PCDH9: variants seen among roughly 807,000 people sequenced by gnomAD.
PCDH9 encodes protocadherin-9.
A neutral mutation model predicts 70.6 loss-of-function variants in PCDH9; 24 were observed. The ratio of observed to expected loss-of-function variants is 0.34; its 90% confidence interval spans 0.25 to 0.48. The LOEUF is 0.48. PCDH9 is among the 20% of genes least tolerant of loss of function. The pLI is 0.99. For missense variants in PCDH9, 1,281 were observed against 1,503.6 expected (o/e 0.85, Z 2.45); for synonymous variants, 562 against 558.5 (o/e 1.01, Z -0.09).
chr13:66,870,266 T>A (rs975277375), intron 3 of PCDH9, among the ~76,000 whole-genome samples: 1 of 152,180 alleles, frequency 6.6e-6, no homozygotes, highest in African/African-American at 2.4e-5. Flanking sequence ...GGCTCTGTTC[T>A]GTTCCATTGA....
At chr13:67,206,669 T>C (rs2089356549) in intron 2 of PCDH9, 1 of 152,214 alleles carries the variant, frequency 6.6e-6, no homozygotes, top group South Asian at 2.1e-4. Flanking sequence ...TCCCAGTGCA[T>C]TGCAGATAAG....
At chr13:67,080,326 T>C (rs1566410780) in intron 2 of PCDH9, among the ~76,000 whole-genome samples, 1 of 152,250 alleles carries the variant, frequency 6.6e-6, no homozygotes, top group Admixed American at 6.5e-5. Context: ...TAAAGCTTTA[T>C]TAACAAATTA....
At chr13:66,729,105 G>C (rs2079040184) in intron 3 of PCDH9, among the ~76,000 whole-genome samples, 1 of 151,908 alleles carries the variant, frequency 6.6e-6, no homozygotes, top group Admixed American at 6.6e-5. Context: ...ATATCAACTT[G>C]GAGGTCCCAG....
chr13:66,991,490 C>A (rs1348069374), intron 2 of PCDH9, among the ~76,000 whole-genome samples: 1 of 148,494 alleles, frequency 6.7e-6, no homozygotes, highest in African/African-American at 2.4e-5. Context: ...AAATTACTTT[C>A]TCCAGTTACA....
At chr13:66,423,967 C>A (rs1957619740) in intron 4 of PCDH9, among the ~76,000 whole-genome samples, 1 of 152,146 alleles carries the variant, frequency 6.6e-6, no homozygotes, top group Admixed American at 6.6e-5. Context: ...TGATAAGCAA[C>A]TTCAGCAAAG....
intron 4 of PCDH9, among the ~76,000 whole-genome samples, chr13:66,343,354 C>T (rs542488378): frequency 1.3e-5 from 2 of 152,304 alleles, no homozygotes; most frequent in Admixed American, 6.5e-5. Context: ...GTATTGGCAG[C>T]AGTGCATTCC....
At chr13:66,388,505 G>A (rs1002562814) in intron 4 of PCDH9, among the ~76,000 whole-genome samples, 4 of 152,086 alleles carry the variant, frequency 2.6e-5, no homozygotes, top group South Asian at 2.1e-4. Flanking sequence ...ATGGGTAGAT[G>A]TGGTGGCTTT....
chr13:66,846,138 A>AAT (rs2081205300), intron 3 of PCDH9, among the ~76,000 whole-genome samples: 1 of 61,686 alleles, frequency 1.6e-5, no homozygotes, highest in Non-Finnish European at 5.2e-5. Flanking sequence ...AAAAAGACCA[A>AAT]AAAAAAAAAA....
intron 3 of PCDH9, among the ~76,000 whole-genome samples, chr13:66,815,667 A>C (rs957683825): frequency 6.6e-6 from 1 of 152,192 alleles, no homozygotes; most frequent in African/African-American, 2.4e-5. Context: ...GTTACAGAAA[A>C]CAAAATACCA....
intron 2 of PCDH9, among the ~76,000 whole-genome samples, chr13:67,112,308 G>T (rs1207589654): frequency 6.6e-6 from 1 of 152,136 alleles, no homozygotes; most frequent in Non-Finnish European, 1.5e-5. Flanking sequence ...GTAGATTTAT[G>T]ACACAATTAT....
chr13:66,534,013 C>G (rs1054111023), intron 4 of PCDH9, among the ~76,000 whole-genome samples: 1 of 152,110 alleles, frequency 6.6e-6, no homozygotes, highest in Non-Finnish European at 1.5e-5. Flanking sequence ...ATTCCATTAT[C>G]TTCCTTACCA....
chr13:66,882,217 TA>T lies in PCDH9; in HGVS notation c.3138+21286del, dbSNP rs2081933889. Among the ~76,000 whole-genome samples the T allele has an allele frequency of 2.6e-5, 4 of 152,208 alleles. No homozygotes were observed. In the South Asian group the frequency reaches 6.2e-4, roughly 24 times the overall value. On this transcript the variant is annotated intron_variant, in intron 3 of 4. Coordinates refer to ENST00000377865, the MANE Select transcript of PCDH9 (RefSeq NM_203487.3). ...ACTCTGGTTAACATTTTCAAAAACC[TA>T]AAAATATTCTACTGTTGGTCTAAAT...
At chr13:66,985,802 T>C (rs1053382018) in intron 2 of PCDH9, 1 of 152,056 alleles carries the variant, frequency 6.6e-6, no homozygotes, top group African/African-American at 2.4e-5. Context: ...ATGTTGGAGT[T>C]GGGGTGGATT....
At chr13:66,783,233 T>G (rs1477349622) in intron 3 of PCDH9, among the ~76,000 whole-genome samples, 2 of 152,188 alleles carry the variant, frequency 1.3e-5, no homozygotes, top group African/African-American at 2.4e-5. Context: ...TTTTCTTTTT[T>G]GCTTTTGTTC....
At chr13:67,009,847 A>T (rs1481867912) in intron 2 of PCDH9, among the ~76,000 whole-genome samples, 1 of 151,996 alleles carries the variant, frequency 6.6e-6, no homozygotes, top group Non-Finnish European at 1.5e-5. Context: ...TATCAATAAA[A>T]CAAAGACATG....
intron 4 of PCDH9, among the ~76,000 whole-genome samples, chr13:66,548,264 T>C (rs1006384064): frequency 6.6e-6 from 1 of 152,080 alleles, no homozygotes; most frequent in Non-Finnish European, 1.5e-5. Flanking sequence ...TTAAAATTTT[T>C]TTAAAAAACA....
intron 4 of PCDH9, among the ~76,000 whole-genome samples, chr13:66,382,441 C>G (rs1037011882): frequency 2.6e-5 from 4 of 151,674 alleles, no homozygotes; most frequent in African/African-American, 9.7e-5. Flanking sequence ...AAAAAGTGTC[C>G]TATTTGAAAT....
intron 2 of PCDH9, among the ~76,000 whole-genome samples, chr13:67,182,032 G>C: frequency 6.6e-6 from 1 of 152,122 alleles, no homozygotes; most frequent in South Asian, 2.1e-4. Context: ...TGTGGGCATG[G>C]CTCAAGGCTC....
At chr13:66,461,833 T>C (rs1452481805) in intron 4 of PCDH9, among the ~76,000 whole-genome samples, 1 of 151,912 alleles carries the variant, frequency 6.6e-6, no homozygotes, top group Non-Finnish European at 1.5e-5. Context: ...TAATTATTTT[T>C]CTTTTGTTAT....
Sources: gnomAD v4.1 joint callset for allele counts (sites outside exome capture counted in the v4.1 genomes callset) on GRCh38, gnomAD v4.1.1 for gene constraint, MANE v1.5 for transcripts, NCBI Gene and HGNC (gene_info 2026-07-23, HGNC 2026-07-21) for gene names.